The following GRAMD1C variants were observed in gnomAD, a reference collection of about 807,000 sequenced individuals.
The protein encoded by GRAMD1C is protein Aster-C.
In GRAMD1C, 89 loss-of-function variants were observed where a neutral mutation model predicts 97.8. The observed-to-expected ratio is 0.91, with a 90% CI of 0.77 to 1.09. The LOEUF (loss-of-function observed/expected upper bound fraction) is 1.09. Ranked by LOEUF, GRAMD1C falls within the 50% of genes least tolerant of loss-of-function variation. The pLI is 0.00. For synonymous variants in GRAMD1C, 256 were observed against 267.0 expected (o/e 0.96, Z 0.40); for missense variants, 740 against 766.4 (o/e 0.97, Z 0.41).
At chr3:113,923,437 GT>G (rs1937132488) in intron 10 of GRAMD1C, among the ~76,000 whole-genome samples, 4 of 152,120 alleles carry the variant, frequency 2.6e-5, no homozygotes, top group Admixed American at 6.5e-5. Context: ...TTTGAGGTAT[GT>G]TCCTTCAGTG....
intron 9 of GRAMD1C, among the ~76,000 whole-genome samples, chr3:113,911,732 T>TCCTTCCTTCCTTCCTTCCTTCCTTCC (rs1237050519): frequency 1.9e-4 from 2 of 10,584 alleles, no homozygotes; most frequent in South Asian, 7.8e-3. Flanking sequence ...TCCTTCCTTT[T>TCCTTCCTTCCTTCCTTCCTTCCTTCC]CTTTCTTTCT....
At chr3:113,914,636 T>G (rs915863888) in intron 9 of GRAMD1C, among the ~76,000 whole-genome samples, 1 of 152,184 alleles carries the variant, frequency 6.6e-6, no homozygotes, top group African/African-American at 2.4e-5. Context: ...CATATTGAAT[T>G]GCTTTATGTT....
intron 10 of GRAMD1C, chr3:113,919,774 T>C: frequency 1.7e-6 from 1 of 595,660 alleles, no homozygotes; most frequent in Non-Finnish European, 3.2e-6. Flanking sequence ...AGTCAAAGTA[T>C]CATTTAAAGC....
intron 6 of GRAMD1C, among the ~76,000 whole-genome samples, chr3:113,895,502 A>G (rs1202004996): frequency 6.6e-6 from 1 of 152,144 alleles, no homozygotes; most frequent in Non-Finnish European, 1.5e-5. Flanking sequence ...AGCCTGCGCA[A>G]CATTATCAAA....
rs754809610 is a variant in GRAMD1C, at chr3:113,882,791, CT to C, written c.500del (p.Leu167ProfsTer12). On this transcript the variant is annotated frameshift_variant, in exon 6 of 18. Coordinates refer to ENST00000358160, the MANE Select transcript of GRAMD1C (RefSeq NM_017577.5). LOFTEE classifies it high-confidence loss of function. ...TTTTGGTGCCAGGGATAGAAGTTAC[CT>C]CAGTATCTTTAGGTTGTGGCAGAAT... ...TSFGARDRSY[L>X]SIFRLWQNVL... is the part of the protein sequence containing the mutation. 3 of 1,596,418 alleles carry C rather than the reference CT, an allele frequency of 1.9e-6. No individual in the cohort carries two copies. The highest frequency in any genetic ancestry group is 2.6e-6 in the Non-Finnish European group (3 of 1,164,552).
At chr3:113,849,175 T>C (rs1435067642) in intron 2 of GRAMD1C, among the ~76,000 whole-genome samples, 3 of 152,104 alleles carry the variant, frequency 2.0e-5, no homozygotes, top group Non-Finnish European at 4.4e-5. Flanking sequence ...AAAATAGCCT[T>C]TGAGATTGTT....
intron 10 of GRAMD1C, among the ~76,000 whole-genome samples, chr3:113,923,898 CA>C (rs1429895021): frequency 1.3e-5 from 2 of 152,032 alleles, no homozygotes; most frequent in African/African-American, 4.8e-5. Flanking sequence ...GCTGTGAATC[CA>C]TCGGGTCCTG....
chr3:113,841,450 T>C (rs573469606), intron 1 of GRAMD1C, among the ~76,000 whole-genome samples: 2 of 151,818 alleles, frequency 1.3e-5, no homozygotes, highest in South Asian at 2.1e-4. Flanking sequence ...CACGCCCAGC[T>C]AATTTTTGTA....
At chr3:113,943,025 C>T (rs1021456790) in intron 17 of GRAMD1C, among the ~76,000 whole-genome samples, 1 of 152,072 alleles carries the variant, frequency 6.6e-6, no homozygotes, top group Non-Finnish European at 1.5e-5. Context: ...TTTTCCTTGC[C>T]CTTATAGCTT....
In GRAMD1C at chr3:113,875,584, T is replaced by A; in HGVS notation, c.360T>A (p.Thr120=). The A allele has an allele frequency of 1.6e-6, 2 of 1,282,120 alleles. No homozygotes were observed. Among genetic ancestry groups the A allele is most frequent in the Non-Finnish European group, 2.3e-6 (2 of 875,380 alleles). 79.4% of individuals were successfully genotyped at this position (1,282,120 alleles called of 1,614,324 possible). ...ATAGCAACATCTTCAGATGGGAAACTACAGTAAGACATTTTGCATTTGATT... is the reference window on the plus strand; with the variant it reads ...ATAGCAACATCTTCAGATGGGAAACAACAGTAAGACATTTTGCATTTGATT... ...CFYSNIFRWE[T]TISIALKNIT... is the part of the protein sequence containing the mutation. Residue 120 remains threonine, a synonymous_variant, in exon 4 of 18, where the codon ACT becomes ACA. Coordinates refer to ENST00000358160, the MANE Select transcript of GRAMD1C (RefSeq NM_017577.5).
At chr3:113,906,820 A>T (rs1246053915) in intron 8 of GRAMD1C, among the ~76,000 whole-genome samples, 1 of 152,132 alleles carries the variant, frequency 6.6e-6, no homozygotes, top group Non-Finnish European at 1.5e-5. Context: ...AAACAGGTGT[A>T]CCATTTTCTA....
At chr3:113,872,858 G>A (rs1003524484) in intron 3 of GRAMD1C, among the ~76,000 whole-genome samples, 4 of 149,252 alleles carry the variant, frequency 2.7e-5, no homozygotes, top group African/African-American at 9.8e-5. Context: ...GATCGCTTGA[G>A]GCCAGGAGTT....
At chr3:113,876,803 A>G (rs1258663481) in intron 5 of GRAMD1C, among the ~76,000 whole-genome samples, 1 of 150,704 alleles carries the variant, frequency 6.6e-6, no homozygotes, top group Non-Finnish European at 1.5e-5. Context: ...TTAGAAGTGT[A>G]GTGATGAGAA....
chr3:113,923,419 CTTA>C (rs1301768695), intron 10 of GRAMD1C, among the ~76,000 whole-genome samples: 1 of 151,964 alleles, frequency 6.6e-6, no homozygotes, highest in African/African-American at 2.4e-5. Context: ...ATAGGTGACT[CTTA>C]TTATTTTGAG....
intron 2 of GRAMD1C, among the ~76,000 whole-genome samples, chr3:113,866,987 C>A (rs1483932106): frequency 6.6e-6 from 1 of 152,092 alleles, no homozygotes; most frequent in Non-Finnish European, 1.5e-5. Flanking sequence ...TGCCACCCTG[C>A]CTGGCTAATT....
chr3:113,866,539 G>A (rs1934594092), intron 2 of GRAMD1C, among the ~76,000 whole-genome samples: 1 of 151,832 alleles, frequency 6.6e-6, no homozygotes, highest in Non-Finnish European at 1.5e-5. Flanking sequence ...GTTATAATAT[G>A]GTTAGATTTA....
At position 113,860,747 on chromosome 3, in the gene GRAMD1C, C is replaced by T. The variant is rs533133305; in HGVS notation, c.175-8760C>T. ...TTGGGAGGCCAAGGTGGGCAGATCA[C>T]CTGAGGTCAGGAGTTCAAGACCAAC... On this transcript the variant is annotated intron_variant, in intron 2 of 17. Coordinates refer to ENST00000358160, the MANE Select transcript of GRAMD1C (RefSeq NM_017577.5). Among the ~76,000 whole-genome samples the T allele has an allele frequency of 2.2e-3, 329 of 152,138 alleles. 6 individuals are homozygous for T. The highest frequency in any genetic ancestry group is 7.1e-3 in the African/African-American group (296 of 41,516).
chr3:113,872,798 A>T (rs1052768886), intron 3 of GRAMD1C, among the ~76,000 whole-genome samples: 2 of 150,452 alleles, frequency 1.3e-5, no homozygotes, highest in Non-Finnish European at 3.0e-5. Flanking sequence ...GACGCTGGGC[A>T]TGGTGGCTCA....
chr3:113,830,127 C>T (rs922263056), intron 1 of GRAMD1C, among the ~76,000 whole-genome samples: 2 of 152,084 alleles, frequency 1.3e-5, no homozygotes, highest in African/African-American at 2.4e-5. Context: ...ATTTGCATAG[C>T]ACACGAAGAA....
Sources: allele counts gnomAD v4.1 joint callset (sites outside exome capture counted in the v4.1 genomes callset), GRCh38; gene constraint gnomAD v4.1.1; transcripts MANE v1.5; gene names NCBI Gene and HGNC (gene_info 2026-07-23, HGNC 2026-07-21).